The following TMPRSS12 variants were observed in gnomAD, a reference collection of about 807,000 sequenced individuals.
TMPRSS12 encodes the protein transmembrane serine protease 12, also known as transmembrane protease serine 12.
Under a neutral mutation model 26.0 loss-of-function variants are expected in TMPRSS12, and 25 were observed. The ratio of observed to expected loss-of-function variants is 0.96; its 90% CI spans 0.70 to 1.34. The LOEUF is 1.34. Among genes scored for constraint, TMPRSS12 ranks in the 40% most tolerant of loss-of-function variants. The probability of loss-of-function intolerance (pLI) is 0.00; values close to 1 mark genes in which losing one functional copy is unlikely to be tolerated. For synonymous variants in TMPRSS12, 150 were observed against 161.7 expected (o/e 0.93, Z 0.55); for missense variants, 441 against 440.1 (o/e 1.00, Z -0.02).
Position 50,858,960 on chromosome 12 carries a change from A to G in TMPRSS12, c.559A>G (p.Ile187Val), listed in dbSNP as rs1937908409. 6.3e-7 allele frequency: 1 copy of G among 1,593,930 alleles called. No individual in the cohort carries two copies. The highest frequency in any genetic ancestry group is 8.6e-7 in the Non-Finnish European group (1 of 1,169,098). ...AAAAGCAGTGAGGTATAATGACTATATTCAGCCTATTTGCCTACCTTTTGA... is the reference window on the plus strand; with the variant it reads ...AAAAGCAGTGAGGTATAATGACTATGTTCAGCCTATTTGCCTACCTTTTGA... ...LKKAVRYNDY[I>V]QPICLPFDVF... Residue 187 changes from isoleucine (I) to valine (V), a missense_variant, in exon 3 of 5, where the codon ATT (isoleucine) becomes GTT (valine). Coordinates refer to ENST00000398458, the MANE Select transcript of TMPRSS12 (RefSeq NM_182559.3).
intron 3 of TMPRSS12, among the ~76,000 whole-genome samples, chr12:50,862,440 T>C (rs1025541712): frequency 6.6e-6 from 1 of 152,114 alleles, no homozygotes; most frequent in African/African-American, 2.4e-5. Context: ...CTTGTCCAAG[T>C]TGGGAAGTAG....
intron 2 of TMPRSS12, among the ~76,000 whole-genome samples, chr12:50,857,654 T>C (rs1481698819): frequency 6.6e-6 from 1 of 152,224 alleles, no homozygotes; most frequent in Non-Finnish European, 1.5e-5. Context: ...AGTTTTTTGC[T>C]TGCTTGCTTG....
chr12:50,856,675 T>TTTG lies in TMPRSS12; in HGVS notation c.384-2098_384-2096dup, dbSNP rs539764238. On this transcript the variant is annotated intron_variant, in intron 2 of 4. Transcript: ENST00000398458. ...ATAAGTAGAACATTTTTGTGGTTTT[T>TTTG]TTGTTGTTGTTGTTACTTGTTTGTT... Among the ~76,000 whole-genome samples, 209 of 152,284 alleles carry TTTG rather than the reference T, an allele frequency of 1.4e-3. 2 individuals carry two copies. The highest frequency in any genetic ancestry group is 4.8e-3 in the African/African-American group (200 of 41,566).
At chr12:50,886,036 G>A (rs1938223201) in intron 4 of TMPRSS12, 1 of 152,048 alleles carries the variant, frequency 6.6e-6, no homozygotes. Flanking sequence ...GTTTTAATTT[G>A]CATTTCCTTA....
intron 3 of TMPRSS12, among the ~76,000 whole-genome samples, chr12:50,860,353 A>C (rs763602820): frequency 1.3e-5 from 2 of 152,138 alleles, no homozygotes; most frequent in Non-Finnish European, 2.9e-5. Context: ...TGGTAATAAG[A>C]GCTACCACCA....
chr12:50,854,147 C>G (rs1394261188), intron 2 of TMPRSS12, among the ~76,000 whole-genome samples: 1 of 152,068 alleles, frequency 6.6e-6, no homozygotes. Context: ...GGCTTTATTC[C>G]TGGGATGCAA....
At chr12:50,871,418 T>C (rs755786783) in intron 3 of TMPRSS12, among the ~76,000 whole-genome samples, 3 of 152,214 alleles carry the variant, frequency 2.0e-5, no homozygotes, top group Non-Finnish European at 2.9e-5. Flanking sequence ...AACTGGATTC[T>C]TGTCGCTCAC....
In TMPRSS12 at chr12:50,843,068, C is replaced by G; in HGVS notation, c.104C>G (p.Pro35Arg). The change falls in exon 1 of 5, where the codon CCG becomes CGG. Residue 35 changes from proline to arginine, a missense_variant. Pro to Arg is a moderately radical substitution (Grantham distance 103). Coordinates refer to ENST00000398458, the MANE Select transcript of TMPRSS12 (RefSeq NM_182559.3). ...GGAAGGCACAGGCTCGGCCCCTCGC[C>G]GGAACCGGCGGCTAGTTCCCAGCAG... The part of the protein sequence containing the change: ...PSGRHRLGPS[P>R]EPAASSQQAE... 1.3e-6 allele frequency: 2 copies of G among 1,589,660 alleles called. No individual in the cohort carries two copies. The highest frequency in any genetic ancestry group is 1.7e-6 in the Non-Finnish European group (2 of 1,168,686).
chr12:50,864,328 G>A (rs543527271), intron 3 of TMPRSS12, among the ~76,000 whole-genome samples: 33 of 152,052 alleles, frequency 2.2e-4, no homozygotes, highest in African/African-American at 4.6e-4. Context: ...CAGTGAAATC[G>A]AATGGATTAC....
rs754351643 is a variant in TMPRSS12 at position 50,885,327 on chromosome 12, G to C, written c.734G>C (p.Gly245Ala). ...EMCNSERSYG[G>A]IIPNTSFCAG... is the part of the protein sequence containing the mutation. ...TGTAATTCTGAGAGGAGTTATGGGG[G>C]AATAATTCCTAACACTTCATTTTGT... Residue 245 changes from glycine to alanine, a missense_variant, in exon 4 of 5, where the codon GGA (glycine) becomes GCA (alanine). Gly to Ala is a moderately conservative substitution (Grantham distance 60). Transcript: ENST00000398458. 1.2e-6 allele frequency: 2 copies of C among 1,613,498 alleles called. No homozygotes were observed. Among genetic ancestry groups the C allele is most frequent in the South Asian group, 2.2e-5 (2 of 91,054 alleles).
At chr12:50,864,560 C>T (rs1042703160) in intron 3 of TMPRSS12, among the ~76,000 whole-genome samples, 3 of 151,976 alleles carry the variant, frequency 2.0e-5, no homozygotes, top group African/African-American at 4.8e-5. Context: ...CTCCCAAGGA[C>T]TTCAGATATT....
At chr12:50,859,178 A>T in intron 3 of TMPRSS12, 125 bp downstream of exon 3, 1 of 803,750 alleles carries the variant, frequency 1.2e-6, no homozygotes, top group Non-Finnish European at 1.9e-6. Context: ...CACACACACG[A>T]TGGTGGTCTA....
At chr12:50,854,245 T>C (rs1937855122) in intron 2 of TMPRSS12, among the ~76,000 whole-genome samples, 1 of 152,274 alleles carries the variant, frequency 6.6e-6, no homozygotes, top group South Asian at 2.1e-4. Context: ...GAAAAGGCTT[T>C]TGATAAAATT....
rs1937908409 is a variant in TMPRSS12 at position 50,858,960 on chromosome 12, A to T, written c.559A>T (p.Ile187Phe). The T allele has an allele frequency of 1.3e-6, 2 of 1,593,930 alleles. No individual in the cohort carries two copies. The highest frequency in any genetic ancestry group is 2.7e-5 in the African/African-American group (2 of 74,870). Reference protein sequence around the residue: ...LKKAVRYNDYIQPICLPFDVF... With the variant: ...LKKAVRYNDYFQPICLPFDVF... ...AAAAGCAGTGAGGTATAATGACTAT[A>T]TTCAGCCTATTTGCCTACCTTTTGA... Residue 187 changes from isoleucine to phenylalanine, a missense_variant, in exon 3 of 5, where the codon ATT becomes TTT. Coordinates refer to ENST00000398458, the MANE Select transcript of TMPRSS12 (RefSeq NM_182559.3).
chr12:50,879,510 G>A (rs1038109736), intron 3 of TMPRSS12, among the ~76,000 whole-genome samples: 3 of 152,020 alleles, frequency 2.0e-5, no homozygotes, highest in Admixed American at 1.3e-4. Flanking sequence ...CGTTTTTGTT[G>A]CATGCATTTC....
chr12:50,852,392 T>A (rs1051289984), intron 2 of TMPRSS12, among the ~76,000 whole-genome samples: 14 of 152,204 alleles, frequency 9.2e-5, no homozygotes, highest in Admixed American at 7.8e-4. Flanking sequence ...GGGTTGCTAT[T>A]CTTATTTTAG....
chr12:50,878,424 T>TA (rs59960784), intron 3 of TMPRSS12, among the ~76,000 whole-genome samples: 47,628 of 150,052 alleles, frequency 0.32, 7,595 homozygotes, highest in Non-Finnish European at 0.35. Context: ...TCTGCAAAAA[T>TA]AAAAAAAAAC....
intron 2 of TMPRSS12, 105 bp from the exon 3 acceptor site, chr12:50,858,680 A>G: frequency 1.1e-6 from 1 of 907,632 alleles, no homozygotes; most frequent in Non-Finnish European, 1.5e-6. Flanking sequence ...AACTGGAATT[A>G]AAGTTTTTTA....
chr12:50,887,050 A>G (rs1272808320), intron 4 of TMPRSS12: 2 of 520,308 alleles, frequency 3.8e-6, no homozygotes, highest in Non-Finnish European at 6.6e-6. Flanking sequence ...TCTACCAGCT[A>G]TATGGTTCCT....
Sources: gnomAD v4.1 joint callset for allele counts (sites outside exome capture counted in the v4.1 genomes callset) on GRCh38, gnomAD v4.1.1 for gene constraint, MANE v1.5 for transcripts, NCBI Gene and HGNC (gene_info 2026-07-23, HGNC 2026-07-21) for gene names.